Variants in DIAPH3 observed in about 807,000 individuals in gnomAD.
The protein encoded by DIAPH3 is protein diaphanous homolog 3.
A neutral mutation model predicts 144.3 loss-of-function variants in DIAPH3; 117 were observed. The observed-to-expected ratio is 0.81, with a 90% CI of 0.70 to 0.95. The LOEUF (loss-of-function observed/expected upper bound fraction) is 0.95. Among genes scored for constraint, DIAPH3 ranks in the 40% least tolerant of loss-of-function variants. The pLI, the probability that DIAPH3 is intolerant of heterozygous loss-of-function variation, is 0.00. For missense variants in DIAPH3, 1,421 were observed against 1,412.7 expected, an observed-to-expected ratio of 1.01 and a Z score of -0.09; for synonymous variants, 519 against 488.9, an observed-to-expected ratio of 1.06 and a Z score of -0.81.
At chr13:60,073,280 G>T (rs2057275909) in intron 4 of DIAPH3, among the ~76,000 whole-genome samples, 1 of 151,702 alleles carries the variant, frequency 6.6e-6, no homozygotes, top group Non-Finnish European at 1.5e-5. Flanking sequence ...CTGCACTCCA[G>T]CCTGGGCAAC....
At chr13:59,829,899 T>C (rs341516) in intron 24 of DIAPH3, among the ~76,000 whole-genome samples, 107,464 of 151,718 alleles carry the variant, frequency 0.71, 38,698 homozygotes, top group Middle Eastern at 0.8. Context: ...ACCCCTGATA[T>C]GTAATACAAA....
intron 3 of DIAPH3, 66 bp from the exon 4 acceptor site, chr13:60,093,798 C>T (rs948476242): frequency 3.0e-6 from 3 of 1,014,516 alleles, no homozygotes; most frequent in Admixed American, 3.5e-5. Context: ...ACATGCACTA[C>T]AAATGGAAAA....
chr13:59,939,383 C>G (rs2048412136), intron 17 of DIAPH3, among the ~76,000 whole-genome samples: 1 of 152,118 alleles, frequency 6.6e-6, no homozygotes, highest in South Asian at 2.1e-4. Flanking sequence ...TTTCTATTTC[C>G]TTGAATACCC....
intron 4 of DIAPH3, among the ~76,000 whole-genome samples, chr13:60,045,077 C>T (rs1277052295): frequency 6.6e-6 from 1 of 152,172 alleles, no homozygotes; most frequent in Non-Finnish European, 1.5e-5. Flanking sequence ...TGCAGTGGCT[C>T]ATGCCTGTAA....
At chr13:60,109,066 G>A (rs1220705902) in intron 3 of DIAPH3, among the ~76,000 whole-genome samples, 2 of 152,146 alleles carry the variant, frequency 1.3e-5, no homozygotes, top group Admixed American at 6.6e-5. Context: ...AAAGGAGTAC[G>A]CAGAAAACTC....
Position 59,666,528 on chromosome 13 carries a change from G to C in DIAPH3, c.*56C>G. 3 of 1,605,994 alleles carry C rather than the reference G, an allele frequency of 1.9e-6. No homozygotes were observed. The highest frequency in any genetic ancestry group is 2.6e-6 in the Non-Finnish European group (3 of 1,175,704). ...AAAAGCAATTTTTTCAAGTGTTATA[G>C]TTTAGAGCATGGCTTTATATTTGGC... On this transcript the variant is annotated 3_prime_UTR_variant, in exon 28 of 28. Transcript: ENST00000400324.
intron 3 of DIAPH3, among the ~76,000 whole-genome samples, chr13:60,111,100 T>C (rs1041684729): frequency 2.0e-5 from 3 of 152,250 alleles, no homozygotes; most frequent in African/African-American, 7.2e-5. Context: ...ATCTCATGGA[T>C]GGATAACCTA....
chr13:60,121,921 C>T (rs557280819), intron 2 of DIAPH3, among the ~76,000 whole-genome samples: 139 of 152,302 alleles, frequency 9.1e-4, no homozygotes, highest in Middle Eastern at 3.4e-3. Context: ...GTCGCTAGCT[C>T]AGGCCACTTC....
At chr13:60,031,732 CT>C (rs1165739891) in intron 5 of DIAPH3, among the ~76,000 whole-genome samples, 161 of 64,646 alleles carry the variant, frequency 2.5e-3, no homozygotes, top group African/African-American at 6.1e-3. Context: ...GTCATTAAAT[CT>C]TTTTTTTTTT....
At chr13:59,971,230 C>T (rs908484981) in intron 15 of DIAPH3, 70 bp from the exon 16 acceptor site, 5 of 1,423,224 alleles carry the variant, frequency 3.5e-6, no homozygotes, top group Non-Finnish European at 9.5e-7. Context: ...GCACTTTACT[C>T]AAAAATAAGG....
At chr13:59,771,712 T>C (rs2038129690) in intron 27 of DIAPH3, among the ~76,000 whole-genome samples, 1 of 152,136 alleles carries the variant, frequency 6.6e-6, no homozygotes, top group Non-Finnish European at 1.5e-5. Flanking sequence ...CATTCAAAAT[T>C]TGACTACGTG....
intron 16 of DIAPH3, 52 bp from the exon 17 acceptor site, chr13:59,970,110 CCAAGT>C: frequency 9.6e-7 from 1 of 1,044,150 alleles, no homozygotes; most frequent in Non-Finnish European, 1.5e-6. Context: ...TTCACCTGTC[CCAAGT>C]CAAGCACTAT....
At chr13:60,061,462 A>T (rs1473267562) in intron 4 of DIAPH3, among the ~76,000 whole-genome samples, 1 of 152,086 alleles carries the variant, frequency 6.6e-6, no homozygotes, top group Non-Finnish European at 1.5e-5. Flanking sequence ...CCAGAGGCTT[A>T]GAAGGTTACA....
chr13:60,007,526 A>G (rs950751115), intron 9 of DIAPH3, among the ~76,000 whole-genome samples: 7 of 152,160 alleles, frequency 4.6e-5, no homozygotes, highest in Non-Finnish European at 5.9e-5. Context: ...GATTTACTTC[A>G]TATCTATTAA....
chr13:59,995,918 G>C (rs2052162568), intron 9 of DIAPH3, among the ~76,000 whole-genome samples: 1 of 151,882 alleles, frequency 6.6e-6, no homozygotes, highest in Admixed American at 6.6e-5. Context: ...AACTGTTTAG[G>C]GCATTTTCAA....
Position 59,906,108 on chromosome 13 carries a change from G to A in DIAPH3, c.2367+5627C>T, listed in dbSNP as rs546425491. The stretch of plus-strand genomic sequence containing the variant: ...AACCCAGACAATGTGCAATACTAAT[G>A]CACTGCCTTCAAATACAAAGATGTA... On this transcript the variant is annotated intron_variant, in intron 20 of 27. Transcript: ENST00000400324. 2.0e-5 allele frequency among the ~76,000 whole-genome samples: 3 copies of A among 152,280 alleles called. No homozygotes were observed. The East Asian group carries it at 5.8e-4, about 29-fold the overall frequency.
At chr13:60,104,222 C>T (rs1297242676) in intron 3 of DIAPH3, among the ~76,000 whole-genome samples, 2 of 152,052 alleles carry the variant, frequency 1.3e-5, no homozygotes, top group Non-Finnish European at 2.9e-5. Flanking sequence ...AAATATTTTG[C>T]CTATCAGCTT....
At chr13:59,805,183 T>A (rs2040130088) in intron 25 of DIAPH3, among the ~76,000 whole-genome samples, 1 of 152,084 alleles carries the variant, frequency 6.6e-6, no homozygotes, top group Non-Finnish European at 1.5e-5. Flanking sequence ...AGCTCTTATT[T>A]ACTTCCCCCA....
chr13:60,136,494 T>G (rs2059280493), intron 1 of DIAPH3, among the ~76,000 whole-genome samples: 1 of 147,624 alleles, frequency 6.8e-6, no homozygotes, highest in Non-Finnish European at 1.5e-5. Flanking sequence ...AAAAAAAAAG[T>G]TAGAAGCATA....
Sources: gnomAD v4.1 joint callset for allele counts (sites outside exome capture counted in the v4.1 genomes callset) on GRCh38, gnomAD v4.1.1 for gene constraint, MANE v1.5 for transcripts, NCBI Gene and HGNC (gene_info 2026-07-23, HGNC 2026-07-21) for gene names.